Variants in GTF3C2 observed in about 807,000 individuals in gnomAD.
GTF3C2 encodes general transcription factor 3C polypeptide 2.
A neutral mutation model predicts 117.4 loss-of-function variants in GTF3C2; 17 were observed. That is an observed-to-expected ratio of 0.14 (90% CI 0.10 to 0.22). The LOEUF (loss-of-function observed/expected upper bound fraction) is 0.22. Among genes scored for constraint, GTF3C2 ranks in the 10% least tolerant of loss-of-function variants. The pLI is 1.00. For missense variants in GTF3C2, 888 were observed against 1,143.6 expected, an observed-to-expected ratio of 0.78 and a Z score of 3.22; for synonymous variants, 437 against 427.0, an observed-to-expected ratio of 1.02 and a Z score of -0.29.
intron 10 of GTF3C2, chr2:27,335,198 A>G: frequency 2.1e-6 from 1 of 470,484 alleles, no homozygotes; most frequent in South Asian, 1.6e-5. Context: ...GCAGAACAAG[A>G]GATTGTGTTT....
chr2:27,326,606 T>C, exon 19 of GTF3C2: 1 of 1,189,960 alleles, frequency 8.4e-7, no homozygotes, highest in African/African-American at 1.5e-5. Context: ...CCCCAGTTCC[T>C]ATGGCTCTGT....
intron 1 of GTF3C2, among the ~76,000 whole-genome samples, chr2:27,348,316 T>C (rs541894937): frequency 2.7e-5 from 4 of 146,814 alleles, no homozygotes; most frequent in African/African-American, 1.0e-4. Context: ...AGCAGGGACC[T>C]GTAGTCCCAG....
rs546983333 is a variant in GTF3C2 at position 27,336,677 on chromosome 2, C to T, written c.1128-252G>A. On this transcript the variant is annotated intron_variant, in intron 7 of 18. Coordinates refer to ENST00000264720, the Ensembl canonical transcript of GTF3C2. The stretch of plus-strand genomic sequence containing the variant: ...GGATGGAGTGCAGTGGCATGATCGA[C>T]GGTTCACTGCAGCCGTGACCTCCCA... 204 of 430,942 alleles carry T rather than the reference C, an allele frequency of 4.7e-4. 1 individual carries two copies. The South Asian group carries it at 5.6e-3, about 12-fold the overall frequency. The allele number at this position is 430,942 out of a possible 1,614,324, so 26.7% of individuals were successfully genotyped here.
intron 12 of GTF3C2, among the ~76,000 whole-genome samples, chr2:27,330,739 T>C (rs1376510272): frequency 6.6e-6 from 1 of 152,104 alleles, no homozygotes; most frequent in East Asian, 1.9e-4. Flanking sequence ...GGTGGACATA[T>C]CACCTGAGGT....
At chr2:27,351,625 T>C (rs1353958447) in intron 1 of GTF3C2, among the ~76,000 whole-genome samples, 2 of 152,208 alleles carry the variant, frequency 1.3e-5, no homozygotes, top group East Asian at 3.8e-4. Flanking sequence ...ACATGCCTCC[T>C]AGTCTGCCTT....
At chr2:27,331,061 T>C (rs1680256883) in intron 12 of GTF3C2, among the ~76,000 whole-genome samples, 1 of 152,176 alleles carries the variant, frequency 6.6e-6, no homozygotes, top group African/African-American at 2.4e-5. Flanking sequence ...GAACCTTTCT[T>C]GAAAAAGTTT....
chr2:27,340,205 A>G (rs1680672196), intron 4 of GTF3C2: 1 of 152,112 alleles, frequency 6.6e-6, no homozygotes, highest in Admixed American at 6.6e-5. Flanking sequence ...GAACACAGAA[A>G]CAAAAGAATT....
In GTF3C2 at chr2:27,329,032, T is replaced by C. The variant is rs138638441; in HGVS notation, c.2039+89A>G. The C allele has an allele frequency of 4.0e-6, 6 of 1,495,196 alleles. No individual in the cohort carries two copies. Among genetic ancestry groups the C allele is most frequent in the Non-Finnish European group, 5.6e-6 (6 of 1,073,396 alleles). The allele number at this position is 1,495,196 out of a possible 1,614,324, so 92.6% of individuals were successfully genotyped here. A position where few individuals can be genotyped will look rare whatever the true frequency, so the allele number is the denominator to read the frequency against. On this transcript the variant is annotated intron_variant, in intron 14 of 18. Transcript: ENST00000264720. The surrounding 1 kb of genome is among the most constrained non-coding windows in gnomAD (Gnocchi z 4.5). Reference sequence around the variant, plus strand: ...AAACCACCTCAGTGAACCAACTCTCTACCCTCCTCTCCCCACAACAATCTG... The same window carrying C: ...AAACCACCTCAGTGAACCAACTCTCCACCCTCCTCTCCCCACAACAATCTG...
At chr2:27,343,127 T>C (rs999602808) in exon 3 of GTF3C2, 4 of 1,581,276 alleles carry the variant, frequency 2.5e-6, no homozygotes, top group Non-Finnish European at 3.4e-6. Context: ...TTTGAGACCT[T>C]TGACATCTCT....
chr2:27,333,877 G>A, intron 11 of GTF3C2, 93 bp from the exon 12 acceptor site: 3 of 1,463,882 alleles, frequency 2.0e-6, no homozygotes, highest in South Asian at 1.1e-5. Context: ...CAGGATGAGG[G>A]TATTTTTCAG....
intron 18 of GTF3C2, 137 bp from the exon 19 acceptor site, chr2:27,327,030 GA>G: frequency 1.4e-6 from 1 of 689,750 alleles, no homozygotes. Flanking sequence ...AGGTAAGAAT[GA>G]AAAGCCAGTG....
At chr2:27,326,517 A>T in exon 19 of GTF3C2, 1 of 624,130 alleles carries the variant, frequency 1.6e-6, no homozygotes, top group Non-Finnish European at 2.9e-6. Context: ...AGAAGTCTGT[A>T]GAAAGAGTGG....
At chr2:27,346,463 C>T in intron 1 of GTF3C2, among the ~76,000 whole-genome samples, 1 of 147,476 alleles carries the variant, frequency 6.8e-6, no homozygotes, top group East Asian at 2.0e-4. Context: ...GTGATCCTCC[C>T]ACCTCAGCCG....
In GTF3C2 at chr2:27,335,930, C is replaced by T. The variant is rs369577977; in HGVS notation, c.1454G>A (p.Gly485Asp). The change falls in exon 9 of 19, where the codon GGC becomes GAC. Residue 485 changes from glycine to aspartate, a missense_variant. Gly to Asp is a moderately conservative substitution (Grantham distance 94). Around this residue, in one of 7 missense-constraint regions of GTF3C2, gnomAD observed 277 missense variants for 445.4 expected, o/e 0.62. Coordinates refer to ENST00000264720, the Ensembl canonical transcript of GTF3C2. Reference sequence around the variant, plus strand: ...ACTGGGAAGTACCTTCCGAGGGGTGCCTGGAAGTTCCCATGCTCCACTGGG... The same window carrying T: ...ACTGGGAAGTACCTTCCGAGGGGTGTCTGGAAGTTCCCATGCTCCACTGGG... 14 of 1,605,852 alleles carry T rather than the reference C, an allele frequency of 8.7e-6. No individual in the cohort carries two copies. The African/African-American group carries it at 1.1e-4, about 12-fold the overall frequency.
intron 10 of GTF3C2, chr2:27,335,301 C>G: frequency 1.8e-6 from 1 of 549,766 alleles, no homozygotes; most frequent in Non-Finnish European, 3.6e-6. Flanking sequence ...CCCAAGCCCT[C>G]AGCAGCTCTT....
chr2:27,332,872 C>T (rs1023658985), intron 12 of GTF3C2, among the ~76,000 whole-genome samples: 2 of 151,716 alleles, frequency 1.3e-5, no homozygotes, highest in African/African-American at 4.8e-5. Flanking sequence ...CAATCTATGA[C>T]ACCCAGCTAA....
At chr2:27,339,035 C>T (rs1164316351) in intron 4 of GTF3C2, among the ~76,000 whole-genome samples, 6 of 152,156 alleles carry the variant, frequency 3.9e-5, no homozygotes, top group Admixed American at 3.3e-4. Context: ...TCAGTCTCAA[C>T]TTCTCTACAA....
At chr2:27,328,559 G>A in exon 16 of GTF3C2, 4 of 1,610,376 alleles carry the variant, frequency 2.5e-6, no homozygotes, top group Non-Finnish European at 2.5e-6. Flanking sequence ...TATATCTCCT[G>A]CAGCTATTGT....
chr2:27,342,423 G>T (rs1680768978), intron 3 of GTF3C2, 190 bp from the exon 4 acceptor site: 2 of 585,276 alleles, frequency 3.4e-6, no homozygotes, highest in African/African-American at 3.7e-5. Flanking sequence ...TGGCCGAGAT[G>T]ACTGAGATAA....
Sources: gnomAD v4.1 joint callset for allele counts (sites outside exome capture counted in the v4.1 genomes callset) on GRCh38, gnomAD v4.1.1 for gene constraint, gnomAD v4.1.1 regional missense constraint, Gnocchi (gnomAD v3.1) non-coding constraint, MANE v1.5 for transcripts, NCBI Gene and HGNC (gene_info 2026-07-23, HGNC 2026-07-21) for gene names.